Variants in EOMES observed in about 807,000 individuals in gnomAD.
The protein encoded by EOMES is eomesodermin homolog.
EOMES carries 18 observed loss-of-function variants against 61.0 expected under a neutral mutation model. The ratio of observed to expected loss-of-function variants is 0.30; its 90% CI spans 0.20 to 0.44. The LOEUF (loss-of-function observed/expected upper bound fraction) is 0.44, where lower values mean the gene tolerates loss of function less well. EOMES is among the 20% of genes least tolerant of loss of function. EOMES has a pLI of 1.00. For synonymous variants in EOMES, 430 were observed against 394.0 expected (o/e 1.09, Z -1.08); for missense variants, 885 against 939.2 (o/e 0.94, Z 0.75).
intron 3 of EOMES, 76 bp downstream of exon 3, chr3:27,719,284 A>G: frequency 1.4e-6 from 2 of 1,403,110 alleles, no homozygotes; most frequent in South Asian, 2.5e-5. Flanking sequence ...ATACAGTGAA[A>G]AGAGTAGGGA....
chr3:27,721,925 CGGCGGCGGCGGCTGCAGCGGCGGA>C lies in EOMES; in HGVS notation c.346_369del (p.Ser116_Ala123del), dbSNP rs755860529. On this transcript the variant is annotated inframe_deletion, in exon 1 of 6. Coordinates refer to ENST00000449599, the MANE Select transcript of EOMES (RefSeq NM_001278182.2). This position sits in a 1 kb window ranked among gnomAD's most constrained non-coding sequence, Gnocchi z 7.4. The stretch of plus-strand genomic sequence containing the variant: ...GCAGTGGCCGCAGCCGCGGCGGCGG[CGGCGGCGGCGGCTGCAGCGGCGGA>C]GGGCAGCTCCTCCTCCCCGCAGGGG... 3 of 1,361,796 alleles carry C rather than the reference CGGCGGCGGCGGCTGCAGCGGCGGA, an allele frequency of 2.2e-6. No individual in the cohort carries two copies. The highest frequency in any genetic ancestry group is 2.8e-6 in the Non-Finnish European group (3 of 1,070,888). 84.4% of individuals were successfully genotyped at this position (1,361,796 alleles called of 1,614,324 possible). A position where few individuals can be genotyped will look rare whatever the true frequency, so the allele number is the denominator to read the frequency against.
rs1205564282 is a variant in EOMES, at chr3:27,721,237, T to G, written c.881+177A>C. Among the ~76,000 whole-genome samples, 1 of 150,964 alleles carries G rather than the reference T, an allele frequency of 6.6e-6. No homozygotes were observed. The highest frequency in any genetic ancestry group is 2.4e-5 in the African/African-American group (1 of 41,068). ...CACCCTGCAAGAGCCGCCGGGGCAC[T>G]GACACAGAGGGACACCGCATTGGAG... On this transcript the variant is annotated intron_variant, in intron 1 of 5. Transcript: ENST00000449599. The surrounding 1 kb of genome is among the most constrained non-coding windows in gnomAD (Gnocchi z 7.4).
Position 27,720,265 on chromosome 3 carries a change from A to C in EOMES, c.942T>G (p.Asn314Lys). 6.2e-7 allele frequency: 1 copy of C among 1,613,312 alleles called. No homozygotes were observed. The highest frequency in any genetic ancestry group is 8.5e-7 in the Non-Finnish European group (1 of 1,179,412). The change falls in exon 2 of 6, where the codon AAT becomes AAG. Residue 314 changes from asparagine (N) to lysine (K), a missense_variant. Asn to Lys is a moderately conservative substitution (Grantham distance 94). Transcript: ENST00000449599. ...INGLNPTAHYNVFVEVVLADP... is the reference protein window; with the variant it reads ...INGLNPTAHYKVFVEVVLADP... ...CCGCCAGCACCACCTCTACGAACAC[A>C]TTGTAGTGGGCAGTGGGATTGAGTC...
In EOMES at chr3:27,721,742, A is replaced by G; in HGVS notation, c.553T>C (p.Tyr185His). The G allele has an allele frequency of 6.7e-7, 1 of 1,485,554 alleles. No individual in the cohort carries two copies. Among genetic ancestry groups the G allele is most frequent in the Non-Finnish European group, 8.9e-7 (1 of 1,129,354 alleles). 92.0% of individuals were successfully genotyped at this position (1,485,554 alleles called of 1,614,324 possible). A position where few individuals can be genotyped will look rare whatever the true frequency, so the allele number is the denominator to read the frequency against. ...PVYPAPNGAR[Y>H]PYGSMLPPGG... ...GGGGGCAGCATGGAGCCGTAGGGGT[A>G]GCGCGCCCCGTTAGGAGCCGGGTAC... The change falls in exon 1 of 6, where the codon TAC becomes CAC. Residue 185 changes from tyrosine (Y) to histidine (H), a missense_variant. Tyr to His is a moderately conservative substitution (Grantham distance 83, BLOSUM62 2). This residue lies in a region of EOMES where 449 missense variants were observed against 383.6 expected (regional missense o/e 1.17). Transcript: ENST00000449599. The surrounding 1 kb of genome is among the most constrained non-coding windows in gnomAD (Gnocchi z 7.4).
rs2060592682 is a variant in EOMES at position 27,719,297 on chromosome 3, C to G, written c.1158+63G>C. 61 of 1,511,320 alleles carry G rather than the reference C, an allele frequency of 4.0e-5. 1 individual carries two copies. The South Asian group carries it at 6.9e-4, about 17-fold the overall frequency. 93.6% of individuals were successfully genotyped at this position (1,511,320 alleles called of 1,614,324 possible). On this transcript the variant is annotated intron_variant, in intron 3 of 5. Coordinates refer to ENST00000449599, the MANE Select transcript of EOMES (RefSeq NM_001278182.2). ...AAATACAGTGAAAAGAGTAGGGACT[C>G]TTATTAGAAAAAAGCCTTATAGTCA... is the stretch of plus-strand genomic sequence containing the variant.
chr3:27,716,934 A>C lies in EOMES; in HGVS notation c.*136T>G, dbSNP rs1480900274. ...TCAAAAAGCTTTGGCACCTTCTTTT[A>C]GAGAATTGCACAAAACAGGATGCAT... On this transcript the variant is annotated 3_prime_UTR_variant, in exon 6 of 6. Transcript: ENST00000449599. 4 of 644,342 alleles carry C rather than the reference A, an allele frequency of 6.2e-6. No homozygotes were observed. The highest frequency in any genetic ancestry group is 1.1e-5 in the Non-Finnish European group (4 of 373,604). 39.9% of individuals were successfully genotyped at this position (644,342 alleles called of 1,614,324 possible). A position where few individuals can be genotyped will look rare whatever the true frequency, so the allele number is the denominator to read the frequency against.
chr3:27,718,010 T>G (rs917136214), intron 5 of EOMES, among the ~76,000 whole-genome samples: 1 of 152,102 alleles, frequency 6.6e-6, no homozygotes, highest in Non-Finnish European at 1.5e-5. Flanking sequence ...TTTCCCACCA[T>G]GCAAGAAAAA....
Position 27,720,215 on chromosome 3 carries a change from C to T in EOMES, c.992G>A (p.Gly331Glu), listed in dbSNP as rs768166620. ...TTTGCCACAGGTCACCCATTTGCCC[C>T]CCTGGAAGCGCCAGTGGTTGGGGTC... ...LADPNHWRFQ[G>E]GKWVTCGKAD... Residue 331 changes from glycine (G) to glutamate (E), a missense_variant, in exon 2 of 6, where the codon GGG becomes GAG. Physicochemically the swap from Gly to Glu is moderately conservative, Grantham distance 98. Around this residue, in one of 3 missense-constraint regions of EOMES, gnomAD observed 177 missense variants for 273.3 expected, o/e 0.65. Coordinates refer to ENST00000449599, the MANE Select transcript of EOMES (RefSeq NM_001278182.2). The T allele has an allele frequency of 9.9e-6, 16 of 1,609,332 alleles. No individual in the cohort carries two copies. The highest frequency in any genetic ancestry group is 1.4e-5 in the Non-Finnish European group (16 of 1,177,552).
chr3:27,718,802 G>A lies in EOMES; in HGVS notation c.1250C>T (p.Ser417Leu). 1 of 1,614,164 alleles carries A rather than the reference G, an allele frequency of 6.2e-7. No homozygotes were observed. The highest frequency in any genetic ancestry group is 8.5e-7 in the Non-Finnish European group (1 of 1,180,002). Residue 417 changes from serine to leucine, a missense_variant, in exon 4 of 6, where the codon TCA becomes TTA. Physicochemically the swap from Ser to Leu is moderately radical, Grantham distance 145. Coordinates refer to ENST00000449599, the MANE Select transcript of EOMES (RefSeq NM_001278182.2). ...EDGVEDLNEPSKTQTFTFSET... is the reference protein window; with the variant it reads ...EDGVEDLNEPLKTQTFTFSET... ...TGAGAAGGTAAAAGTCTGGGTCTTT[G>A]AGGGCTCATTCAAGTCCTCCACGCC... is the stretch of plus-strand genomic sequence containing the variant.
Position 27,717,337 on chromosome 3 carries a change from A to C in EOMES, c.1851T>G (p.Thr617=). 1 of 1,614,178 alleles carries C rather than the reference A, an allele frequency of 6.2e-7. No individual in the cohort carries two copies. The highest frequency in any genetic ancestry group is 2.2e-5 in the East Asian group (1 of 44,868). ...GLPWTSRTSP[T]VFSEDQLSKE... is the part of the protein sequence containing the mutation. ...TGGAGAGCTGATCTTCAGAGAACAC[A>C]GTGGGGCTTGTTCTGGAGGTCCATG... The change falls in exon 6 of 6, where the codon ACT becomes ACG. Residue 617 remains threonine, a synonymous_variant. Transcript: ENST00000449599. The surrounding 1 kb of genome is among the most constrained non-coding windows in gnomAD (Gnocchi z 4.5).
Position 27,721,591 on chromosome 3 carries a change from T to C in EOMES, c.704A>G (p.Gln235Arg). 1 of 1,569,576 alleles carries C rather than the reference T, an allele frequency of 6.4e-7. No homozygotes were observed. Among genetic ancestry groups the C allele is most frequent in the East Asian group, 2.3e-5 (1 of 42,954 alleles). The change falls in exon 1 of 6, where the codon CAG (glutamine) becomes CGG (arginine). Residue 235 changes from glutamine to arginine, a missense_variant. Gln to Arg is a conservative substitution (Grantham distance 43, BLOSUM62 1). Around this residue, in one of 3 missense-constraint regions of EOMES, gnomAD observed 449 missense variants for 383.6 expected, o/e 1.17. Coordinates refer to ENST00000449599, the MANE Select transcript of EOMES (RefSeq NM_001278182.2). The surrounding 1 kb of genome is among the most constrained non-coding windows in gnomAD (Gnocchi z 7.4). ...GTACGGCCCGTAGAGCGGAGCCCCCTGGCTGTACTGATAGGTGCCCGGGCC... is the reference window on the plus strand; with the variant it reads ...GTACGGCCCGTAGAGCGGAGCCCCCCGGCTGTACTGATAGGTGCCCGGGCC... Reference protein sequence around the residue: ...GGGPGTYQYSQGAPLYGPYPG... With the variant: ...GGGPGTYQYSRGAPLYGPYPG...
chr3:27,717,948 G>A lies in EOMES; in HGVS notation c.1380-140C>T. Reference sequence around the variant, plus strand: ...GGTCTGTTGGGCTGAAAGAACAGAGGCAGGAGATGCACTGGCCCATTTTAG... The same window carrying A: ...GGTCTGTTGGGCTGAAAGAACAGAGACAGGAGATGCACTGGCCCATTTTAG... On this transcript the variant is annotated intron_variant, in intron 5 of 5. Transcript: ENST00000449599. This position sits in a 1 kb window ranked among gnomAD's most constrained non-coding sequence, Gnocchi z 4.5. 11 of 637,938 alleles carry A rather than the reference G, an allele frequency of 1.7e-5. No homozygotes were observed. Among genetic ancestry groups the A allele is most frequent in the Non-Finnish European group, 2.3e-5 (9 of 388,292 alleles). 39.5% of individuals were successfully genotyped at this position (637,938 alleles called of 1,614,324 possible).
At position 27,721,641 on chromosome 3, in the gene EOMES, C is replaced by T. The variant is rs1456823948; in HGVS notation, c.654G>A (p.Ala218=). ...FGPGAGAGSG[A]GGSSGGGGGP... is the part of the protein sequence containing the mutation. Reference sequence around the variant, plus strand: ...CGCCGCCCCCGCCGCTGCTACCGCCCGCGCCACTGCCCGCACCGGCTCCTG... The same window carrying T: ...CGCCGCCCCCGCCGCTGCTACCGCCTGCGCCACTGCCCGCACCGGCTCCTG... Residue 218 remains alanine (A), a synonymous_variant, in exon 1 of 6, where the codon GCG becomes GCA. Transcript: ENST00000449599. The surrounding 1 kb of genome is among the most constrained non-coding windows in gnomAD (Gnocchi z 7.4). 2.6e-6 allele frequency: 4 copies of T among 1,541,174 alleles called. No homozygotes were observed. Among genetic ancestry groups the T allele is most frequent in the Non-Finnish European group, 2.6e-6 (3 of 1,146,916 alleles).
In EOMES at chr3:27,717,607, G is replaced by A. The variant is rs377506919; in HGVS notation, c.1581C>T (p.Ser527=). 3.4e-5 allele frequency: 55 copies of A among 1,613,980 alleles called. No homozygotes were observed. The highest frequency in any genetic ancestry group is 1.6e-4 in the Middle Eastern group (1 of 6,084). Residue 527 remains serine, a synonymous_variant, in exon 6 of 6, where the codon AGC becomes AGT. Transcript: ENST00000449599. The surrounding 1 kb of genome is among the most constrained non-coding windows in gnomAD (Gnocchi z 4.5). ...GCTGGGGAGGGTTGGCCACCTCTTCGCTCTGTTGGGGTGAAAGGAGGCCGT... is the reference window on the plus strand; with the variant it reads ...GCTGGGGAGGGTTGGCCACCTCTTCACTCTGTTGGGGTGAAAGGAGGCCGT... The part of the protein sequence containing the change: ...QTNGLLSPQQ[S]EEVANPPQRW...
chr3:27,721,318 G>C lies in EOMES; in HGVS notation c.881+96C>G, dbSNP rs1357983904. 4 of 1,035,662 alleles carry C rather than the reference G, an allele frequency of 3.9e-6. No individual in the cohort carries two copies. Among genetic ancestry groups the C allele is most frequent in the Non-Finnish European group, 5.7e-6 (4 of 701,084 alleles). 64.2% of individuals were successfully genotyped at this position (1,035,662 alleles called of 1,614,324 possible). On this transcript the variant is annotated intron_variant, in intron 1 of 5. Transcript: ENST00000449599. This position sits in a 1 kb window ranked among gnomAD's most constrained non-coding sequence, Gnocchi z 7.4. ...GGTGAAACACTCTAAGCACCGCGCGGAACAACTGGGTTCAGCTCCCTCATC... is the reference window on the plus strand; with the variant it reads ...GGTGAAACACTCTAAGCACCGCGCGCAACAACTGGGTTCAGCTCCCTCATC...
rs1238288630 is a variant in EOMES at position 27,716,288 on chromosome 3, C to T, written c.*782G>A. ...CCAAAGCACCAGTTTTACATTATCC[C>T]AGACACCTATGTAGACTATTTGTAC... On this transcript the variant is annotated 3_prime_UTR_variant, in exon 6 of 6. Transcript: ENST00000449599. The T allele has an allele frequency of 2.0e-5, 3 of 152,092 alleles. No individual in the cohort carries two copies. Among genetic ancestry groups the T allele is most frequent in the Admixed American group, 6.5e-5 (1 of 15,280 alleles). 9.4% of individuals were successfully genotyped at this position (152,092 alleles called of 1,614,324 possible).
intron 1 of EOMES, 93 bp from the exon 2 acceptor site, chr3:27,720,418 A>G: frequency 2.0e-6 from 2 of 1,009,862 alleles, no homozygotes; most frequent in Non-Finnish European, 3.1e-6. Flanking sequence ...CACCTGGGAT[A>G]GGGTCGGAAC....
intron 1 of EOMES, among the ~76,000 whole-genome samples, chr3:27,720,577 CCCCAACATCGGTATATT>C (rs2060604692): frequency 7.8e-6 from 1 of 128,886 alleles, no homozygotes; most frequent in East Asian, 2.5e-4. Context: ...AAAAAGCTTG[CCCCAACATCGGTATATT>C]CCAAATTCGC....
rs754539500 is a variant in EOMES, at chr3:27,717,097, C to T, written c.2091G>A (p.Gly697=). The T allele has an allele frequency of 1.9e-6, 3 of 1,611,512 alleles. No individual in the cohort carries two copies. The highest frequency in any genetic ancestry group is 1.7e-5 in the Admixed American group (1 of 59,986). Residue 697 remains glycine, a synonymous_variant, in exon 6 of 6, where the codon GGG becomes GGA. Transcript: ENST00000449599. The surrounding 1 kb of genome is among the most constrained non-coding windows in gnomAD (Gnocchi z 4.5). Reference sequence around the variant, plus strand: ...AGGGAGTTGTGTAAAAAGCATAATACCCTCCCATGCCTTTTGAGGTGTCTT... The same window carrying T: ...AGGGAGTTGTGTAAAAAGCATAATATCCTCCCATGCCTTTTGAGGTGTCTT... ...YSKDTSKGMG[G]YYAFYTTP
Sources: gnomAD v4.1 joint callset for allele counts (sites outside exome capture counted in the v4.1 genomes callset) on GRCh38, gnomAD v4.1.1 for gene constraint, gnomAD v4.1.1 regional missense constraint, Gnocchi (gnomAD v3.1) non-coding constraint, MANE v1.5 for transcripts, NCBI Gene and HGNC (gene_info 2026-07-23, HGNC 2026-07-21) for gene names.